CELF4: variants seen among roughly 807,000 people sequenced by gnomAD.
CELF4 encodes the protein CUG-BP- and ETR-3-like factor 4.
In CELF4, 18 loss-of-function variants were observed where a neutral mutation model predicts 59.9. The ratio of observed to expected loss-of-function variants is 0.30; its 90% CI spans 0.21 to 0.45. The LOEUF is 0.45. CELF4 is among the 20% of genes least tolerant of loss of function. The pLI is 1.00. For missense variants in CELF4, 456 were observed against 689.0 expected (o/e 0.66, Z 3.79); for synonymous variants, 261 against 267.1 (o/e 0.98, Z 0.22).
intron 6 of CELF4, chr18:37,273,515 A>C: frequency 9.8e-7 from 1 of 1,022,606 alleles, no homozygotes; most frequent in Non-Finnish European, 1.2e-6. Flanking sequence ...ATGCTGGATG[A>C]GCCTCTGCAG....
intron 1 of CELF4, among the ~76,000 whole-genome samples, chr18:37,510,942 T>C (rs909332371): frequency 2.0e-5 from 3 of 152,142 alleles, no homozygotes; most frequent in Non-Finnish European, 2.9e-5. Context: ...TTCTGTTCCA[T>C]AGAGTAACTT....
intron 2 of CELF4, among the ~76,000 whole-genome samples, chr18:37,326,076 A>C (rs1375436974): frequency 6.6e-6 from 1 of 152,144 alleles, no homozygotes. Flanking sequence ...TCTGCCCTGA[A>C]GAGGGAGGAG....
intron 2 of CELF4, among the ~76,000 whole-genome samples, chr18:37,353,966 A>G (rs1417019694): frequency 1.3e-5 from 2 of 152,024 alleles, no homozygotes; most frequent in Admixed American, 6.6e-5. Flanking sequence ...CGTGTTAGCC[A>G]GGATGGTCTC....
chr18:37,436,279 C>T (rs1482720876), intron 2 of CELF4, among the ~76,000 whole-genome samples: 1 of 152,190 alleles, frequency 6.6e-6, no homozygotes, highest in Non-Finnish European at 1.5e-5. Flanking sequence ...GGGAGCAGTT[C>T]GAGATGCCCT....
At chr18:37,453,248 A>G (rs1053262940) in intron 2 of CELF4, among the ~76,000 whole-genome samples, 1 of 152,232 alleles carries the variant, frequency 6.6e-6, no homozygotes, top group African/African-American at 2.4e-5. Flanking sequence ...AACTGACCAC[A>G]TTATGTGTGT....
intron 3 of CELF4, among the ~76,000 whole-genome samples, chr18:37,319,897 G>T (rs1434328312): frequency 6.6e-6 from 1 of 152,156 alleles, no homozygotes; most frequent in Admixed American, 6.5e-5. Context: ...AAGAGCTCCT[G>T]GCTGGGAGGT....
At chr18:37,511,182 G>A (rs1031342537) in intron 1 of CELF4, among the ~76,000 whole-genome samples, 7 of 152,174 alleles carry the variant, frequency 4.6e-5, no homozygotes, top group African/African-American at 1.7e-4. Flanking sequence ...GTTGGAAGCC[G>A]AAACCTTGCA....
chr18:37,471,038 G>A (rs895914122), intron 2 of CELF4, among the ~76,000 whole-genome samples: 4 of 152,096 alleles, frequency 2.6e-5, no homozygotes, highest in East Asian at 1.9e-4. Flanking sequence ...GCCCTGAATG[G>A]AGACTTTCTC....
intron 1 of CELF4, among the ~76,000 whole-genome samples, chr18:37,510,542 C>T (rs2099943065): frequency 6.6e-6 from 1 of 152,236 alleles, no homozygotes; most frequent in African/African-American, 2.4e-5. Context: ...CTCTCTACCT[C>T]ACCAGGATGG....
intron 2 of CELF4, among the ~76,000 whole-genome samples, chr18:37,379,025 C>T (rs1461796980): frequency 6.6e-6 from 1 of 152,206 alleles, no homozygotes; most frequent in Non-Finnish European, 1.5e-5. Flanking sequence ...TCTGACCATG[C>T]TGCTGGCTCT....
At chr18:37,378,025 TG>T (rs1302388288) in intron 2 of CELF4, among the ~76,000 whole-genome samples, 1 of 152,072 alleles carries the variant, frequency 6.6e-6, no homozygotes, top group Non-Finnish European at 1.5e-5. Context: ...ACGTCAGAGC[TG>T]GCTGGGCTTC....
intron 3 of CELF4, among the ~76,000 whole-genome samples, chr18:37,303,668 C>T (rs2096222651): frequency 6.6e-6 from 1 of 152,166 alleles, no homozygotes; most frequent in Non-Finnish European, 1.5e-5. Context: ...TCCAGGTCCC[C>T]AGGAACAGGG....
chr18:37,413,868 C>A (rs771357236), intron 2 of CELF4, among the ~76,000 whole-genome samples: 1 of 152,160 alleles, frequency 6.6e-6, no homozygotes, highest in Non-Finnish European at 1.5e-5. Flanking sequence ...CCCTTCCAAC[C>A]TGCTGTATAG....
chr18:37,539,795 T>C (rs549989834), intron 1 of CELF4, among the ~76,000 whole-genome samples: 1 of 150,944 alleles, frequency 6.6e-6, no homozygotes, highest in South Asian at 2.1e-4. Flanking sequence ...TTAAATTACA[T>C]TGGAATAAAG....
At chr18:37,337,996 T>TATCATTGTCAC (rs1569566168) in intron 2 of CELF4, among the ~76,000 whole-genome samples, 2 of 126,600 alleles carry the variant, frequency 1.6e-5, no homozygotes, top group African/African-American at 2.9e-5. Context: ...ACCATTGTCA[T>TATCATTGTCAC]CACTACTGTC....
chr18:37,280,099 T>G (rs1354489815), intron 3 of CELF4, among the ~76,000 whole-genome samples: 1 of 152,176 alleles, frequency 6.6e-6, no homozygotes, highest in Admixed American at 6.5e-5. Context: ...CTTGGCTCTT[T>G]GTCCCCAGAT....
intron 10 of CELF4, among the ~76,000 whole-genome samples, chr18:37,263,199 T>C (rs142934832): frequency 5.3e-5 from 8 of 152,172 alleles, no homozygotes; most frequent in African/African-American, 1.9e-4. Flanking sequence ...GATAGAGTGA[T>C]TTGTTCAGAT....
At chr18:37,380,813 A>ATCCATCCATCCATCCG (rs1410354245) in intron 2 of CELF4, among the ~76,000 whole-genome samples, 4 of 150,812 alleles carry the variant, frequency 2.7e-5, no homozygotes, top group Non-Finnish European at 5.9e-5. Context: ...CCATCCATCC[A>ATCCATCCATCCATCCG]TCCATCCATC....
intron 1 of CELF4, among the ~76,000 whole-genome samples, chr18:37,513,539 T>C (rs2099946944): frequency 6.6e-6 from 1 of 152,150 alleles, no homozygotes; most frequent in Non-Finnish European, 1.5e-5. Flanking sequence ...GCGTGGACCA[T>C]TCTTATGGAA....
Sources: allele counts gnomAD v4.1 joint callset (sites outside exome capture counted in the v4.1 genomes callset), GRCh38; gene constraint gnomAD v4.1.1; transcripts MANE v1.5; gene names NCBI Gene and HGNC (gene_info 2026-07-23, HGNC 2026-07-21).